DTL: variants seen among roughly 807,000 people sequenced by gnomAD.
DTL encodes the protein denticleless E3 ubiquitin protein ligase adapter, also known as denticleless protein homolog.
A neutral mutation model predicts 87.0 loss-of-function variants in DTL; 46 were observed. The ratio of observed to expected loss-of-function variants is 0.53; its 90% CI spans 0.42 to 0.68. The LOEUF (loss-of-function observed/expected upper bound fraction) is 0.68, where lower values mean the gene tolerates loss of function less well. Among genes scored for constraint, DTL ranks in the 30% least tolerant of loss-of-function variants. The pLI is 0.00. For synonymous variants in DTL, 308 were observed against 311.2 expected (o/e 0.99, Z 0.11); for missense variants, 737 against 869.4 (o/e 0.85, Z 1.91).
At chr1:212,084,850 G>GT (rs1345681057) in intron 13 of DTL, among the ~76,000 whole-genome samples, 1 of 152,090 alleles carries the variant, frequency 6.6e-6, no homozygotes, top group Non-Finnish European at 1.5e-5. Flanking sequence ...TTAGTATGCA[G>GT]TTGTCCCTCA....
chr1:212,042,616 A>G (rs1465629357), intron 1 of DTL, among the ~76,000 whole-genome samples: 1 of 152,240 alleles, frequency 6.6e-6, no homozygotes, highest in Non-Finnish European at 1.5e-5. Flanking sequence ...ATGTTCTGGA[A>G]TAAGAATTTA....
In DTL at chr1:212,078,282, T is replaced by C; in HGVS notation, c.1125+20T>C. On this transcript the variant is annotated intron_variant, in intron 12 of 14. Coordinates refer to ENST00000366991, the MANE Select transcript of DTL (RefSeq NM_016448.4). ...ACAAAGGTTTGTAAATGAATCTCTA[T>C]AGTTGGTTTAAAATGTAGATCACAG... 6.9e-7 allele frequency: 1 copy of C among 1,443,268 alleles called. No individual in the cohort carries two copies. Among genetic ancestry groups the C allele is most frequent in the East Asian group, 2.3e-5 (1 of 43,988 alleles). 89.4% of individuals were successfully genotyped at this position (1,443,268 alleles called of 1,614,324 possible). A position where few individuals can be genotyped will look rare whatever the true frequency, so the allele number is the denominator to read the frequency against.
At chr1:212,037,343 T>C (rs1396987748) in intron 1 of DTL, among the ~76,000 whole-genome samples, 1 of 152,202 alleles carries the variant, frequency 6.6e-6, no homozygotes, top group Non-Finnish European at 1.5e-5. Context: ...TCATCTCCTT[T>C]CCTCTTCAGT....
At chr1:212,068,736 GGA>G (rs1429897960) in intron 10 of DTL, 33 bp downstream of exon 10, 2 of 1,420,332 alleles carry the variant, frequency 1.4e-6, no homozygotes, top group African/African-American at 2.8e-5. Flanking sequence ...TCTCTTACCA[GGA>G]AAGCATTATG....
chr1:212,088,377 G>A (rs1230207134), intron 13 of DTL, among the ~76,000 whole-genome samples: 5 of 152,098 alleles, frequency 3.3e-5, no homozygotes, highest in Middle Eastern at 3.2e-3. Flanking sequence ...TCCTTACTAC[G>A]CACTATAGGG....
intron 1 of DTL, among the ~76,000 whole-genome samples, chr1:212,041,687 T>C (rs1240645221): frequency 6.6e-6 from 1 of 152,028 alleles, no homozygotes; most frequent in Non-Finnish European, 1.5e-5. Context: ...TTTTTATGTA[T>C]TTTTAGTAGA....
At chr1:212,073,969 T>G (rs1024913944) in intron 11 of DTL, among the ~76,000 whole-genome samples, 4 of 152,068 alleles carry the variant, frequency 2.6e-5, no homozygotes, top group South Asian at 2.1e-4. Flanking sequence ...CTATGTTTCC[T>G]TCTCCACTTT....
intron 5 of DTL, 103 bp downstream of exon 5, chr1:212,047,520 T>G (rs1341844613): frequency 7.1e-7 from 1 of 1,414,802 alleles, no homozygotes; most frequent in Admixed American, 2.0e-5. Flanking sequence ...AGTTACTGCT[T>G]TACCTACATA....
intron 13 of DTL, among the ~76,000 whole-genome samples, chr1:212,087,037 C>T (rs1315628396): frequency 6.6e-6 from 1 of 152,154 alleles, no homozygotes; most frequent in Non-Finnish European, 1.5e-5. Context: ...ATAATAACAA[C>T]GTTTAGCCAC....
chr1:212,048,109 CT>C (rs1280917467), intron 5 of DTL, among the ~76,000 whole-genome samples: 2 of 152,146 alleles, frequency 1.3e-5, no homozygotes, highest in African/African-American at 4.8e-5. Flanking sequence ...TCTAAATGAG[CT>C]ATAAGGCTGA....
chr1:212,070,374 C>G (rs574022013), intron 10 of DTL, among the ~76,000 whole-genome samples: 20 of 152,078 alleles, frequency 1.3e-4, no homozygotes, highest in African/African-American at 4.8e-4. Flanking sequence ...AAACCCAAGC[C>G]GAGGCTGGCA....
chr1:212,058,631 A>G (rs1165182632), intron 5 of DTL, among the ~76,000 whole-genome samples: 1 of 152,112 alleles, frequency 6.6e-6, no homozygotes, highest in East Asian at 1.9e-4. Flanking sequence ...AATGTACCTC[A>G]AGGAACTAGA....
intron 9 of DTL, 52 bp downstream of exon 9, chr1:212,068,379 A>T (rs1558081105): frequency 8.0e-7 from 1 of 1,255,606 alleles, no homozygotes; most frequent in South Asian, 1.4e-5. Flanking sequence ...GTTTAAAAAA[A>T]AAAAAAAAGG....
rs1257474875 is a variant in DTL at position 212,066,522 on chromosome 1, CAT to C, written c.640-287_640-286del. On this transcript the variant is annotated intron_variant, in intron 7 of 14. Transcript: ENST00000366991. ...ATAAGTTTCCTAAGGATACACACAG[CAT>C]ATTAGTAGGGCTGAGTCTAAGTAGA... Among the ~76,000 whole-genome samples the C allele has an allele frequency of 5.3e-5, 8 of 152,166 alleles. No homozygotes were observed. In the East Asian group the frequency reaches 1.5e-3, roughly 29 times the overall value.
chr1:212,061,691 A>G (rs1654321105), intron 5 of DTL, among the ~76,000 whole-genome samples: 1 of 152,202 alleles, frequency 6.6e-6, no homozygotes. Context: ...TATATACACA[A>G]TTGAATACTA....
rs59056654 is a variant in DTL, at chr1:212,070,634, C to CTG, written c.923-1449_923-1448dup. ...TCAAAAAAAAAAAACTGAATGACAA[C>CTG]TGTGTGTGTGTGTGTGTGTAACGTC... On this transcript the variant is annotated intron_variant, in intron 10 of 14. Coordinates refer to ENST00000366991, the MANE Select transcript of DTL (RefSeq NM_016448.4). Among the ~76,000 whole-genome samples, 1,095 of 149,074 alleles carry CTG rather than the reference C, an allele frequency of 7.3e-3. 11 individuals carry two copies. The highest frequency in any genetic ancestry group is 0.02 in the South Asian group (93 of 4,720).
chr1:212,070,650 G>A (rs1012917469), intron 10 of DTL, among the ~76,000 whole-genome samples: 2 of 151,858 alleles, frequency 1.3e-5, no homozygotes, highest in African/African-American at 4.8e-5. Context: ...GTGTGTGTGT[G>A]TGTAACGTCT....
At chr1:212,060,538 C>A (rs1654235092) in intron 5 of DTL, among the ~76,000 whole-genome samples, 2 of 151,998 alleles carry the variant, frequency 1.3e-5, no homozygotes, top group South Asian at 2.1e-4. Context: ...GAGTTCAAGA[C>A]CAGCCTGGGC....
chr1:212,101,815 G>A (rs904229257), intron 14 of DTL, among the ~76,000 whole-genome samples: 4 of 152,178 alleles, frequency 2.6e-5, no homozygotes, highest in African/African-American at 9.7e-5. Context: ...AAATAGGTTT[G>A]TGAACCTTGA....
Sources: allele counts gnomAD v4.1 joint callset (sites outside exome capture counted in the v4.1 genomes callset), GRCh38; gene constraint gnomAD v4.1.1; transcripts MANE v1.5; gene names NCBI Gene and HGNC (gene_info 2026-07-23, HGNC 2026-07-21).